Variants in AP3B1 observed in about 807,000 individuals in gnomAD.
The protein encoded by AP3B1 is adaptor related protein complex 3 subunit beta 1, also known as AP-3 complex subunit beta-1.
Under a neutral mutation model 132.5 loss-of-function variants are expected in AP3B1, and 61 were observed. The observed-to-expected ratio is 0.46, with a 90% CI of 0.37 to 0.57. The LOEUF is 0.57. Among genes scored for constraint, AP3B1 ranks in the 20% least tolerant of loss-of-function variants. The pLI, the probability that AP3B1 is intolerant of heterozygous loss-of-function variation, is 0.00. For synonymous variants in AP3B1, 388 were observed against 438.3 expected (o/e 0.89, Z 1.43); for missense variants, 1,120 against 1,289.4 (o/e 0.87, Z 2.01).
chr5:78,290,363 A>C (rs1444522495), intron 1 of AP3B1, among the ~76,000 whole-genome samples: 1 of 142,242 alleles, frequency 7.0e-6, no homozygotes, highest in African/African-American at 2.4e-5. Flanking sequence ...CTAAGATTAC[A>C]GGCAGGGGCC....
intron 1 of AP3B1, among the ~76,000 whole-genome samples, chr5:78,286,034 T>C (rs1470023855): frequency 1.3e-5 from 2 of 152,022 alleles, no homozygotes; most frequent in East Asian, 3.9e-4. Context: ...CCCTTCTCAC[T>C]CAGAGTAAAA....
intron 22 of AP3B1, among the ~76,000 whole-genome samples, chr5:78,083,935 T>C (rs1750122446): frequency 6.6e-6 from 1 of 152,090 alleles, no homozygotes; most frequent in African/African-American, 2.4e-5. Flanking sequence ...GGAAAACAAA[T>C]AACATTTACT....
At chr5:78,268,178 T>C (rs1490717459) in intron 1 of AP3B1, among the ~76,000 whole-genome samples, 5 of 152,190 alleles carry the variant, frequency 3.3e-5, no homozygotes, top group Admixed American at 3.3e-4. Flanking sequence ...ACTATAAATG[T>C]TCACCTTAAG....
intron 21 of AP3B1, among the ~76,000 whole-genome samples, chr5:78,093,543 T>G (rs1417345553): frequency 6.6e-6 from 1 of 152,252 alleles, no homozygotes; most frequent in Admixed American, 6.5e-5. Context: ...TCTATAAAAC[T>G]TTTTTCTTTT....
chr5:78,201,939 G>GT (rs1418505490), intron 7 of AP3B1, among the ~76,000 whole-genome samples: 1 of 152,154 alleles, frequency 6.6e-6, no homozygotes, highest in African/African-American at 2.4e-5. Flanking sequence ...TATAAGCTCT[G>GT]AGATGTATAC....
At chr5:78,007,642 C>A (rs1320006586) in intron 26 of AP3B1, among the ~76,000 whole-genome samples, 1 of 152,124 alleles carries the variant, frequency 6.6e-6, no homozygotes, top group Non-Finnish European at 1.5e-5. Flanking sequence ...TCCTAAACAT[C>A]AATACCAAAG....
chr5:78,124,332 A>C (rs1183228552), intron 17 of AP3B1, among the ~76,000 whole-genome samples: 1 of 152,202 alleles, frequency 6.6e-6, no homozygotes, highest in African/African-American at 2.4e-5. Flanking sequence ...CATGTACCCT[A>C]AAAGTATAAT....
intron 22 of AP3B1, among the ~76,000 whole-genome samples, chr5:78,039,863 A>G (rs1257774718): frequency 7.4e-6 from 1 of 135,242 alleles, no homozygotes; most frequent in African/African-American, 2.7e-5. Flanking sequence ...AAACATACTC[A>G]TTTTTTTTTT....
At chr5:78,281,152 C>T (rs1023859862) in intron 1 of AP3B1, among the ~76,000 whole-genome samples, 1 of 152,102 alleles carries the variant, frequency 6.6e-6, no homozygotes, top group African/African-American at 2.4e-5. Context: ...AAACAATTCT[C>T]GGCCGGGCGC....
intron 22 of AP3B1, among the ~76,000 whole-genome samples, chr5:78,085,024 T>G (rs1027419339): frequency 6.6e-6 from 1 of 151,064 alleles, no homozygotes; most frequent in Non-Finnish European, 1.5e-5. Context: ...ACATTTAGGT[T>G]TGAACAACCA....
intron 22 of AP3B1, among the ~76,000 whole-genome samples, chr5:78,060,766 G>A (rs1205736901): frequency 6.6e-6 from 1 of 150,842 alleles, no homozygotes; most frequent in African/African-American, 2.4e-5. Context: ...AAATATTCAG[G>A]TTTTTGAAAA....
intron 1 of AP3B1, among the ~76,000 whole-genome samples, chr5:78,287,137 T>C (rs1184545936): frequency 6.6e-6 from 1 of 152,250 alleles, no homozygotes; most frequent in Non-Finnish European, 1.5e-5. Context: ...GCTTTAATCA[T>C]TCAGCTCTGG....
chr5:78,134,913 T>C (rs900607240), intron 15 of AP3B1, among the ~76,000 whole-genome samples: 1 of 152,238 alleles, frequency 6.6e-6, no homozygotes. Flanking sequence ...CTGAATTTAA[T>C]AGTATCTACC....
At position 78,076,786 on chromosome 5, in the gene AP3B1, C is replaced by T. The variant is rs185059823; in HGVS notation, c.2577+12607G>A. On this transcript the variant is annotated intron_variant, in intron 22 of 26. Coordinates refer to ENST00000255194, the MANE Select transcript of AP3B1 (RefSeq NM_003664.5). ...ACTCTGGATGTCAAGGTTCAGTGAGCTTCCCTGGCTGGCAATAGTCCATGC... is the reference window on the plus strand; with the variant it reads ...ACTCTGGATGTCAAGGTTCAGTGAGTTTCCCTGGCTGGCAATAGTCCATGC... Among the ~76,000 whole-genome samples, 62 of 152,292 alleles carry T rather than the reference C, an allele frequency of 4.1e-4. 1 individual carries two copies. In the East Asian group the frequency reaches 0.012, roughly 29 times the overall value.
rs747856511 is a variant in AP3B1 at position 78,165,626 on chromosome 5, A to G, written c.1214T>C (p.Leu405Pro). 8.7e-6 allele frequency: 14 copies of G among 1,609,480 alleles called. No homozygotes were observed. The highest frequency in any genetic ancestry group is 1.2e-5 in the Non-Finnish European group (14 of 1,176,762). ...NLANEANISTLLREFQTYVKS... is the reference protein window; with the variant it reads ...NLANEANISTPLREFQTYVKS... The stretch of plus-strand genomic sequence containing the variant: ...TACACAAACCTGAAATTCTCGAAGA[A>G]GAGTTGATATGTTGGCTTCATTTGC... Residue 405 changes from leucine (L) to proline (P), a missense_variant, in exon 12 of 27, where the codon CTT becomes CCT. Leu to Pro is a moderately conservative substitution (Grantham distance 98, BLOSUM62 -3). Transcript: ENST00000255194.
At chr5:78,171,364 G>C (rs1743907827) in intron 11 of AP3B1, among the ~76,000 whole-genome samples, 1 of 152,194 alleles carries the variant, frequency 6.6e-6, no homozygotes, top group African/African-American at 2.4e-5. Flanking sequence ...TCCTATCCAT[G>C]AGCGTGAAAT....
At chr5:78,294,373 G>T in intron 1 of AP3B1, 79 bp downstream of exon 1, 1 of 1,606,356 alleles carries the variant, frequency 6.2e-7, no homozygotes, top group Admixed American at 1.7e-5. Flanking sequence ...CTCCTCTCCA[G>T]GAAGCCCACC....
rs150153255 is a variant in AP3B1 at position 78,116,607 on chromosome 5, A to G, written c.1969-373T>C. On this transcript the variant is annotated intron_variant, in intron 17 of 26. Coordinates refer to ENST00000255194, the MANE Select transcript of AP3B1 (RefSeq NM_003664.5). ...AAGTTGATAGCTTGACACTGAGGGA[A>G]AAGAGAGAAAAAAAAAAAGAAAGAA... Among the ~76,000 whole-genome samples, 475 of 152,322 alleles carry G rather than the reference A, an allele frequency of 3.1e-3. 1 individual carries two copies. Among genetic ancestry groups the G allele is most frequent in the African/African-American group, 0.011 (445 of 41,574 alleles).
At chr5:78,224,580 A>G (rs953859531) in intron 6 of AP3B1, among the ~76,000 whole-genome samples, 1 of 152,120 alleles carries the variant, frequency 6.6e-6, no homozygotes, top group African/African-American at 2.4e-5. Context: ...GGATAAAAAG[A>G]CAAGAGCCAA....
Sources: allele counts gnomAD v4.1 joint callset (sites outside exome capture counted in the v4.1 genomes callset), GRCh38; gene constraint gnomAD v4.1.1; transcripts MANE v1.5; gene names NCBI Gene and HGNC (gene_info 2026-07-23, HGNC 2026-07-21).